KLHL3: variants seen among roughly 807,000 people sequenced by gnomAD.
KLHL3 encodes the protein kelch-like protein 3.
A neutral mutation model predicts 70.5 loss-of-function variants in KLHL3; 19 were observed. The ratio of observed to expected loss-of-function variants is 0.27; its 90% confidence interval spans 0.19 to 0.40. KLHL3 has a LOEUF of 0.40. KLHL3 is among the 10% of genes least tolerant of loss of function. The pLI is 1.00. For synonymous variants in KLHL3, 258 were observed against 290.3 expected (o/e 0.89, Z 1.13); for missense variants, 512 against 771.1 (o/e 0.66, Z 3.98).
intron 1 of KLHL3, among the ~76,000 whole-genome samples, chr5:137,735,120 G>GGCATACACGGCGTGCACGCGC (rs1753239430): frequency 6.6e-6 from 1 of 152,162 alleles, no homozygotes; most frequent in Non-Finnish European, 1.5e-5. Flanking sequence ...TGTGTATACA[G>GGCATACACGGCGTGCACGCGC]GCATACACGG....
Position 137,692,436 on chromosome 5 carries a change from C to T in KLHL3, c.375G>A (p.Pro125=), listed in dbSNP as rs1246876402. 8.7e-6 allele frequency: 14 copies of T among 1,613,794 alleles called. No individual in the cohort carries two copies. The highest frequency in any genetic ancestry group is 1.1e-5 in the Non-Finnish European group (13 of 1,179,982). The change falls in exon 5 of 15, where the codon CCG becomes CCA. Residue 125 remains proline, a synonymous_variant. Coordinates refer to ENST00000309755, the MANE Select transcript of KLHL3 (RefSeq NM_017415.3). Reference sequence around the variant, plus strand: ...CCATGAGCTGCAGCAAGCTGGCTGCCGGGAGCAGCACCTGCAAGAGAAGGT... The same window carrying T: ...CCATGAGCTGCAGCAAGCTGGCTGCTGGGAGCAGCACCTGCAAGAGAAGGT... ...VTEENVQVLL[P]AASLLQLMDV...
At chr5:137,680,171 C>A (rs1176050137) in intron 5 of KLHL3, among the ~76,000 whole-genome samples, 2 of 152,344 alleles carry the variant, frequency 1.3e-5, no homozygotes, top group East Asian at 1.9e-4. Flanking sequence ...CCACTTTGCT[C>A]CCAGAAGATA....
intron 3 of KLHL3, among the ~76,000 whole-genome samples, chr5:137,708,692 T>G (rs1257567747): frequency 2.0e-5 from 3 of 152,168 alleles, no homozygotes; most frequent in South Asian, 4.1e-4. Flanking sequence ...ATAAATGTTA[T>G]GAAAAGATGA....
At chr5:137,638,624 G>C (rs1245405191) in intron 10 of KLHL3, among the ~76,000 whole-genome samples, 1 of 152,128 alleles carries the variant, frequency 6.6e-6, no homozygotes, top group Non-Finnish European at 1.5e-5. Context: ...CTAGCAAAGG[G>C]TTCAAACTGG....
intron 14 of KLHL3, among the ~76,000 whole-genome samples, chr5:137,624,432 G>A (rs1750403207): frequency 6.6e-6 from 1 of 152,036 alleles, no homozygotes; most frequent in African/African-American, 2.4e-5. Flanking sequence ...AATTACTCCA[G>A]GACCAAACTT....
At chr5:137,703,022 G>A (rs576036137) in intron 3 of KLHL3, among the ~76,000 whole-genome samples, 1 of 152,310 alleles carries the variant, frequency 6.6e-6, no homozygotes, top group South Asian at 2.1e-4. Context: ...GAAGACTCAA[G>A]ATGTCCAGAA....
chr5:137,677,853 C>T (rs1258326211), intron 5 of KLHL3, among the ~76,000 whole-genome samples, 199 bp from the exon 6 acceptor site: 2 of 152,156 alleles, frequency 1.3e-5, no homozygotes, highest in Non-Finnish European at 2.9e-5. Context: ...TGGCATCACC[C>T]ACTATGATCC....
At position 137,669,112 on chromosome 5, in the gene KLHL3, C is replaced by T. The variant is rs903124710; in HGVS notation, c.637-7081G>A. The stretch of plus-strand genomic sequence containing the variant: ...AAGGAGAAAGTAAGGCAGAGAGAGA[C>T]GAAGTCATTTGCCTGACATTACCCA... On this transcript the variant is annotated intron_variant, in intron 6 of 14. Coordinates refer to ENST00000309755, the MANE Select transcript of KLHL3 (RefSeq NM_017415.3). Among the ~76,000 whole-genome samples, 7 of 152,104 alleles carry T rather than the reference C, an allele frequency of 4.6e-5. 1 individual carries two copies. Among genetic ancestry groups the T allele is most frequent in the African/African-American group, 1.2e-4 (5 of 41,424 alleles).
At position 137,651,078 on chromosome 5, in the gene KLHL3, A is replaced by C. The variant is rs564050061; in HGVS notation, c.903+7053T>G. Among the ~76,000 whole-genome samples, 10 of 152,354 alleles carry C rather than the reference A, an allele frequency of 6.6e-5. No homozygotes were observed. In the South Asian group the frequency reaches 2.1e-3, roughly 32 times the overall value. ...CCTCACTAAAGCCATGTGAAAACGC[A>C]GGTATGAATGCTGATAAGCCCATCA... is the stretch of plus-strand genomic sequence containing the variant. On this transcript the variant is annotated intron_variant, in intron 8 of 14. Coordinates refer to ENST00000309755, the MANE Select transcript of KLHL3 (RefSeq NM_017415.3).
chr5:137,703,637 AG>A (rs1192249814), intron 3 of KLHL3, among the ~76,000 whole-genome samples: 2 of 152,196 alleles, frequency 1.3e-5, no homozygotes, highest in Non-Finnish European at 2.9e-5. Flanking sequence ...CTGTGAAATA[AG>A]GACATTCTCT....
At chr5:137,622,175 C>A (rs1381220151) in intron 14 of KLHL3, 49 bp from the exon 15 acceptor site, 14 of 1,602,206 alleles carry the variant, frequency 8.7e-6, no homozygotes, top group Non-Finnish European at 1.2e-5. Context: ...TCCAAAATTA[C>A]TCAGAGTCCC....
At chr5:137,709,699 A>C in intron 3 of KLHL3, 51 bp downstream of exon 3, 4 of 1,374,366 alleles carry the variant, frequency 2.9e-6, no homozygotes, top group Non-Finnish European at 4.2e-6. Context: ...ACATTCTCCC[A>C]GTGGGGCTGC....
intron 1 of KLHL3, among the ~76,000 whole-genome samples, chr5:137,732,810 T>C (rs978789366): frequency 1.3e-5 from 2 of 152,170 alleles, no homozygotes; most frequent in African/African-American, 4.8e-5. Flanking sequence ...TACCATTTAA[T>C]CTTCACAACA....
chr5:137,635,190 C>G (rs910936887), intron 11 of KLHL3, among the ~76,000 whole-genome samples: 1 of 152,090 alleles, frequency 6.6e-6, no homozygotes, highest in African/African-American at 2.4e-5. Flanking sequence ...ACTCTGCTAC[C>G]AGAACTACTG....
intron 8 of KLHL3, among the ~76,000 whole-genome samples, chr5:137,645,194 C>T (rs1022447763): frequency 2.6e-5 from 4 of 152,014 alleles, no homozygotes; most frequent in African/African-American, 4.8e-5. Flanking sequence ...ATGACAAACC[C>T]GCAGCTAACA....
intron 6 of KLHL3, among the ~76,000 whole-genome samples, chr5:137,670,865 G>C (rs563172848): frequency 1.1e-4 from 16 of 151,178 alleles, no homozygotes; most frequent in African/African-American, 3.4e-4. Context: ...CCCAGCTACT[G>C]AGGAGGCTGA....
chr5:137,670,984 A>C (rs567391059), intron 6 of KLHL3, among the ~76,000 whole-genome samples: 103 of 151,562 alleles, frequency 6.8e-4, no homozygotes, highest in South Asian at 6.3e-3. Context: ...AAAAAAAAAA[A>C]AACAACAACA....
chr5:137,728,386 TACTGACCAC>T (rs1753118486), intron 1 of KLHL3, among the ~76,000 whole-genome samples: 1 of 152,206 alleles, frequency 6.6e-6, no homozygotes. Flanking sequence ...TAGGTTTAAC[TACTGACCAC>T]TGTAGCTTTC....
chr5:137,678,674 T>G (rs1190467772), intron 5 of KLHL3, among the ~76,000 whole-genome samples: 1 of 152,232 alleles, frequency 6.6e-6, no homozygotes, highest in African/African-American at 2.4e-5. Context: ...TCATTTCTTG[T>G]GAAAATCATT....
Sources: allele counts gnomAD v4.1 joint callset (sites outside exome capture counted in the v4.1 genomes callset), GRCh38; gene constraint gnomAD v4.1.1; transcripts MANE v1.5; gene names NCBI Gene and HGNC (gene_info 2026-07-23, HGNC 2026-07-21).